Variants in CFAP54 observed in about 807,000 individuals in gnomAD.
CFAP54 encodes the protein cilia- and flagella-associated protein 54.
Under a neutral mutation model 370.4 loss-of-function variants are expected in CFAP54, and 290 were observed. The ratio of observed to expected loss-of-function variants is 0.78; its 90% CI spans 0.71 to 0.86. The LOEUF (loss-of-function observed/expected upper bound fraction) is 0.86, where lower values mean the gene tolerates loss of function less well. Among genes scored for constraint, CFAP54 ranks in the 40% least tolerant of loss-of-function variants. The pLI is 0.00. For synonymous variants in CFAP54, 1,206 were observed against 1,236.5 expected (o/e 0.98, Z 0.52); for missense variants, 3,399 against 3,528.7 (o/e 0.96, Z 0.93).
rs1957708942 is a variant in CFAP54, at chr12:96,718,374, A to G, written c.6725-69A>G. 8.7e-6 allele frequency: 7 copies of G among 806,668 alleles called. No homozygotes were observed. In the South Asian group the frequency reaches 1.0e-4, roughly 12 times the overall value. The allele number at this position is 806,668 out of a possible 1,614,324, so 50.0% of individuals were successfully genotyped here. On this transcript the variant is annotated intron_variant, in intron 48 of 67. Coordinates refer to ENST00000524981, the MANE Select transcript of CFAP54 (RefSeq NM_001306084.2). ...ACCCTGTCTCAAAATAAAATAAAATAAACCTAGAATTAATATTTAAACTAA... is the reference window on the plus strand; with the variant it reads ...ACCCTGTCTCAAAATAAAATAAAATGAACCTAGAATTAATATTTAAACTAA...
chr12:96,793,578 G>T (rs1958726866), intron 63 of CFAP54, among the ~76,000 whole-genome samples: 1 of 152,000 alleles, frequency 6.6e-6, no homozygotes, highest in Non-Finnish European at 1.5e-5. Flanking sequence ...GTCAGTAGTG[G>T]GATTGCTAGA....
At chr12:96,636,960 T>C (rs903143744) in intron 32 of CFAP54, among the ~76,000 whole-genome samples, 1 of 152,092 alleles carries the variant, frequency 6.6e-6, no homozygotes, top group East Asian at 1.9e-4. Context: ...TTTGTTACAG[T>C]CACAGAGTTT....
At chr12:96,712,059 C>G (rs1025790550) in intron 48 of CFAP54, among the ~76,000 whole-genome samples, 3 of 152,038 alleles carry the variant, frequency 2.0e-5, no homozygotes, top group Non-Finnish European at 4.4e-5. Context: ...TCTGATCACC[C>G]TTTCCTACTT....
chr12:96,596,787 G>A (rs961290466), intron 25 of CFAP54, among the ~76,000 whole-genome samples: 1 of 151,992 alleles, frequency 6.6e-6, no homozygotes, highest in Non-Finnish European at 1.5e-5. Flanking sequence ...ATGCGACAGA[G>A]GGCAAGTATA....
chr12:96,685,109 G>T lies in CFAP54; in HGVS notation c.5885G>T (p.Gly1962Val), dbSNP rs1199241795. The T allele has an allele frequency of 6.2e-7, 1 of 1,614,080 alleles. No individual in the cohort carries two copies. The highest frequency in any genetic ancestry group is 8.5e-7 in the Non-Finnish European group (1 of 1,179,996). ...PDVLHTWKEF[G>V]PSLTNVTNSH... ...GTGCTACACACGTGGAAAGAATTTG[G>T]CCCCTCACTCACCAATGTCACCAAC... Residue 1962 changes from glycine (G) to valine (V), a missense_variant, in exon 42 of 68, where the codon GGC becomes GTC. This residue lies in a region of CFAP54 where 2,796 missense variants were observed against 2,869.7 expected (regional missense o/e 0.97). Coordinates refer to ENST00000524981, the MANE Select transcript of CFAP54 (RefSeq NM_001306084.2).
At chr12:96,763,694 G>A (rs1445250811) in intron 58 of CFAP54, among the ~76,000 whole-genome samples, 5 of 152,134 alleles carry the variant, frequency 3.3e-5, no homozygotes, top group Admixed American at 6.5e-5. Context: ...TAGAAAAATT[G>A]TTTGAACCTG....
intron 32 of CFAP54, among the ~76,000 whole-genome samples, chr12:96,642,663 G>A (rs775425543): frequency 6.6e-6 from 1 of 152,060 alleles, no homozygotes; most frequent in Non-Finnish European, 1.5e-5. Flanking sequence ...ATTTCCTTAA[G>A]CCAGAATATA....
At chr12:96,531,211 C>T (rs1041056126) in intron 9 of CFAP54, among the ~76,000 whole-genome samples, 9 of 151,996 alleles carry the variant, frequency 5.9e-5, no homozygotes, top group Admixed American at 3.9e-4. Flanking sequence ...AGTAGTTTGG[C>T]TGGATATAAT....
At position 96,742,561 on chromosome 12, in the gene CFAP54, G is replaced by C. The variant is rs1958064497; in HGVS notation, c.7194G>C (p.Gln2398His). 1.2e-6 allele frequency: 2 copies of C among 1,612,798 alleles called. No homozygotes were observed. Among genetic ancestry groups the C allele is most frequent in the East Asian group, 2.2e-5 (1 of 44,818 alleles). Residue 2398 changes from glutamine to histidine, a missense_variant, in exon 52 of 68, where the codon CAG (glutamine) becomes CAC (histidine). Transcript: ENST00000524981. Reference protein sequence around the residue: ...RLALVTAFVAQIHGIGIVKED... With the variant: ...RLALVTAFVAHIHGIGIVKED... Reference sequence around the variant, plus strand: ...CATTGGTGACTGCATTTGTTGCACAGATTCATGGCATTGGAATTGTGAAAG... The same window carrying C: ...CATTGGTGACTGCATTTGTTGCACACATTCATGGCATTGGAATTGTGAAAG...
At chr12:96,715,562 A>G (rs1957668460) in intron 48 of CFAP54, among the ~76,000 whole-genome samples, 1 of 152,144 alleles carries the variant, frequency 6.6e-6, no homozygotes. Context: ...TGGATTCATG[A>G]TTCCTGAAAG....
At chr12:96,739,294 G>A (rs537700091) in intron 50 of CFAP54, among the ~76,000 whole-genome samples, 91 of 152,162 alleles carry the variant, frequency 6.0e-4, no homozygotes, top group African/African-American at 2.1e-3. Context: ...AAAATATTTT[G>A]AAGAAGTGTG....
intron 48 of CFAP54, among the ~76,000 whole-genome samples, chr12:96,715,871 A>T: frequency 6.6e-6 from 1 of 151,978 alleles, no homozygotes; most frequent in East Asian, 1.9e-4. Flanking sequence ...TGCCCTTTTT[A>T]TGTTCCCTTC....
At chr12:96,534,340 T>C in intron 11 of CFAP54, 113 bp downstream of exon 11, 1 of 638,222 alleles carries the variant, frequency 1.6e-6, no homozygotes, top group Non-Finnish European at 2.6e-6. Context: ...ACAAAGGCCC[T>C]GAGACAAGAG....
At position 96,680,621 on chromosome 12, in the gene CFAP54, CAG is replaced by C. The variant is rs941209948; in HGVS notation, c.5716+872_5716+873del. Among the ~76,000 whole-genome samples the C allele has an allele frequency of 5.3e-5, 8 of 152,180 alleles. No individual in the cohort carries two copies. In the South Asian group the frequency reaches 8.3e-4, roughly 16 times the overall value. On this transcript the variant is annotated intron_variant, in intron 40 of 67. Coordinates refer to ENST00000524981, the MANE Select transcript of CFAP54 (RefSeq NM_001306084.2). ...GACCAATTGTTTTTACAAATGCAGA[CAG>C]AGTTTTATTTATTTACATATTTATT...
intron 32 of CFAP54, among the ~76,000 whole-genome samples, chr12:96,631,534 C>T (rs1485435414): frequency 6.6e-6 from 1 of 151,054 alleles, no homozygotes; most frequent in Non-Finnish European, 1.5e-5. Context: ...GTCACTTATA[C>T]GTAAGTCTAC....
At chr12:96,686,260 A>G (rs1483052921) in intron 42 of CFAP54, among the ~76,000 whole-genome samples, 1 of 152,054 alleles carries the variant, frequency 6.6e-6, no homozygotes, top group Admixed American at 6.5e-5. Flanking sequence ...CTCTTCTTAT[A>G]TGGATACCAG....
At chr12:96,750,287 C>A (rs1172338919) in intron 55 of CFAP54, among the ~76,000 whole-genome samples, 3 of 149,136 alleles carry the variant, frequency 2.0e-5, no homozygotes, top group Non-Finnish European at 3.0e-5. Context: ...CTGTCTCCTG[C>A]AGCAGCAGCA....
Position 96,647,997 on chromosome 12 carries a change from GA to G in CFAP54, c.4673del (p.Lys1558ArgfsTer18). On this transcript the variant is annotated frameshift_variant, in exon 34 of 68. Transcript: ENST00000524981. LOFTEE classifies it high-confidence loss of function. ...GATTTCCTTCTTACAGCCAAAAAAA[GA>G]AAGGCCAACTTACCATCAGGTAAAA... is the stretch of plus-strand genomic sequence containing the variant. ...MLDFLLTAKK[R>X]KANLPSDAEE... 1 of 1,505,080 alleles carries G rather than the reference GA, an allele frequency of 6.6e-7. No individual in the cohort carries two copies. 93.2% of individuals were successfully genotyped at this position (1,505,080 alleles called of 1,614,324 possible).
intron 5 of CFAP54, among the ~76,000 whole-genome samples, chr12:96,516,264 T>G (rs1301533435): frequency 3.3e-5 from 5 of 152,082 alleles, no homozygotes; most frequent in Admixed American, 2.0e-4. Context: ...TGGGAAAAGT[T>G]ACTTTGCTTA....
Sources: allele counts gnomAD v4.1 joint callset (sites outside exome capture counted in the v4.1 genomes callset), GRCh38; gene constraint gnomAD v4.1.1; regional missense constraint gnomAD v4.1.1; transcripts MANE v1.5; gene names NCBI Gene and HGNC (gene_info 2026-07-23, HGNC 2026-07-21).